The following DEAF1 variants were observed in gnomAD, a reference collection of about 807,000 sequenced individuals.
The protein encoded by DEAF1 is deformed epidermal autoregulatory factor 1 homolog.
Under a neutral mutation model 58.9 loss-of-function variants are expected in DEAF1, and 53 were observed. The ratio of observed to expected loss-of-function variants is 0.90; its 90% CI spans 0.72 to 1.13. The LOEUF (loss-of-function observed/expected upper bound fraction) is 1.13. DEAF1 is among the 50% of genes most tolerant of loss of function. DEAF1 has a pLI of 0.00. For missense variants in DEAF1, 685 were observed against 791.4 expected, an observed-to-expected ratio of 0.87 and a Z score of 1.61; for synonymous variants, 385 against 340.4, an observed-to-expected ratio of 1.13 and a Z score of -1.44.
At position 655,376 on chromosome 11, in the gene DEAF1, G is replaced by A. The variant is rs999816166; in HGVS notation, c.1504-1325C>T. 7.2e-5 allele frequency among the ~76,000 whole-genome samples: 11 copies of A among 152,188 alleles called. No individual in the cohort carries two copies. In the East Asian group the frequency reaches 9.6e-4, roughly 13 times the overall value. On this transcript the variant is annotated intron_variant, in intron 10 of 11. Transcript: ENST00000382409. ...ATTGGAGCTTTTCTTTTTAATCAGCGCATAGGTCAACATGCTGTCAATGAT... is the reference window on the plus strand; with the variant it reads ...ATTGGAGCTTTTCTTTTTAATCAGCACATAGGTCAACATGCTGTCAATGAT...
intron 10 of DEAF1, chr11:674,239 G>A (rs750072173): frequency 9.6e-6 from 4 of 414,886 alleles, no homozygotes; most frequent in Non-Finnish European, 1.8e-5. Flanking sequence ...GAAGACAAAG[G>A]ATGAATAATG....
At chr11:659,952 G>C (rs1032450710) in intron 10 of DEAF1, among the ~76,000 whole-genome samples, 4 of 152,170 alleles carry the variant, frequency 2.6e-5, no homozygotes, top group African/African-American at 9.7e-5. Context: ...CCCAACACAG[G>C]GCAGGTGGGG....
chr11:687,414 C>G (rs1860641152), intron 4 of DEAF1, among the ~76,000 whole-genome samples: 1 of 152,264 alleles, frequency 6.6e-6, no homozygotes, highest in Non-Finnish European at 1.5e-5. Context: ...CTGGGCGCAG[C>G]CCTGTCCCGT....
At chr11:663,903 A>T (rs541535978) in intron 10 of DEAF1, among the ~76,000 whole-genome samples, 1 of 152,314 alleles carries the variant, frequency 6.6e-6, no homozygotes, top group South Asian at 2.1e-4. Flanking sequence ...TGTTCATTTA[A>T]GATGTCTCAA....
chr11:691,539 A>G lies in DEAF1; in HGVS notation c.349T>C (p.Ser117Pro). 1 of 1,613,678 alleles carries G rather than the reference A, an allele frequency of 6.2e-7. No individual in the cohort carries two copies. The highest frequency in any genetic ancestry group is 1.1e-5 in the South Asian group (1 of 91,082). Reference protein sequence around the residue: ...GAAADNVFTTSVANAASISGH... With the variant: ...GAAADNVFTTPVANAASISGH... ...GAGATGGATGCCGCGTTCGCCACAGACGTGGTGAAGACATTGTCTGCAGCA... is the reference window on the plus strand; with the variant it reads ...GAGATGGATGCCGCGTTCGCCACAGGCGTGGTGAAGACATTGTCTGCAGCA... The change falls in exon 2 of 12, where the codon TCT (serine) becomes CCT (proline). Residue 117 changes from serine to proline, a missense_variant. By Grantham distance (74) the Ser-to-Pro change is moderately conservative. This residue lies in a region of DEAF1 where 210 missense variants were observed against 177.3 expected (regional missense o/e 1.18). Coordinates refer to ENST00000382409, the MANE Select transcript of DEAF1 (RefSeq NM_021008.4).
rs917115264 is a variant in DEAF1, at chr11:680,017, G to A, written c.998-201C>T. On this transcript the variant is annotated intron_variant, in intron 7 of 11. Transcript: ENST00000382409. ...CACAGGAGAAAACCAGGATGGCCAG[G>A]ATGGCAACTTGCCACTACCAATTGT... is the stretch of plus-strand genomic sequence containing the variant. 1.7e-5 allele frequency: 11 copies of A among 661,074 alleles called. No homozygotes were observed. In the African/African-American group the frequency reaches 2.0e-4, roughly 12 times the overall value. 41.0% of individuals were successfully genotyped at this position (661,074 alleles called of 1,614,324 possible).
chr11:685,449 C>T (rs1013980404), intron 5 of DEAF1, among the ~76,000 whole-genome samples: 1 of 151,950 alleles, frequency 6.6e-6, no homozygotes, highest in African/African-American at 2.4e-5. Context: ...AATCCCAGGA[C>T]TTTGAGAGGC....
chr11:670,136 G>GGGAC (rs1859746745), intron 10 of DEAF1, among the ~76,000 whole-genome samples: 1 of 151,872 alleles, frequency 6.6e-6, no homozygotes, highest in Admixed American at 6.6e-5. Flanking sequence ...CCGATGGAAG[G>GGGAC]GGACATGAGT....
chr11:679,993 A>G, intron 7 of DEAF1, 177 bp from the exon 8 acceptor site: 1 of 805,926 alleles, frequency 1.2e-6, no homozygotes, highest in Non-Finnish European at 1.9e-6. Flanking sequence ...AGAAGACCTC[A>G]CAGGAGAAAA....
At chr11:663,325 G>C (rs919295271) in intron 10 of DEAF1, among the ~76,000 whole-genome samples, 1 of 152,330 alleles carries the variant, frequency 6.6e-6, no homozygotes, top group African/African-American at 2.4e-5. Context: ...GCGCGTGCCT[G>C]TAATTCCAGC....
At position 674,657 on chromosome 11, in the gene DEAF1, T is replaced by C. The variant is rs201341584; in HGVS notation, c.1382A>G (p.Asn461Ser). Residue 461 changes from asparagine (N) to serine (S), a missense_variant, in exon 10 of 12, where the codon AAC becomes AGC. This residue lies in a region of DEAF1 where 343 missense variants were observed against 379.8 expected (regional missense o/e 0.90). Coordinates refer to ENST00000382409, the MANE Select transcript of DEAF1 (RefSeq NM_021008.4). ...CTGCTGCGCTGTGTTGAGCAAGGAG[T>C]TGACCATCTCTTCTAGGTACAGCCA... is the stretch of plus-strand genomic sequence containing the variant. ...RSWLYLEEMV[N>S]SLLNTAQQLK... 9.9e-5 allele frequency: 159 copies of C among 1,613,726 alleles called. No homozygotes were observed. The highest frequency in any genetic ancestry group is 6.6e-4 in the Middle Eastern group (4 of 6,084).
At chr11:692,504 G>A (rs1345932686) in intron 1 of DEAF1, among the ~76,000 whole-genome samples, 1 of 152,188 alleles carries the variant, frequency 6.6e-6, no homozygotes, top group East Asian at 1.9e-4. Context: ...AAAGATACTG[G>A]TTGAATGAGT....
intron 10 of DEAF1, among the ~76,000 whole-genome samples, chr11:660,523 C>CG (rs1214347923): frequency 6.6e-6 from 1 of 152,240 alleles, no homozygotes; most frequent in Non-Finnish European, 1.5e-5. Context: ...CTGGCTCCCT[C>CG]GGGGGACTCC....
At chr11:668,716 G>A (rs1859666674) in intron 10 of DEAF1, among the ~76,000 whole-genome samples, 1 of 152,182 alleles carries the variant, frequency 6.6e-6, no homozygotes, top group Non-Finnish European at 1.5e-5. Flanking sequence ...CAGCTACTTG[G>A]GGGGCTGAGG....
At chr11:650,369 G>A (rs1302009452) in intron 11 of DEAF1, among the ~76,000 whole-genome samples, 4 of 61,954 alleles carry the variant, frequency 6.5e-5, no homozygotes, top group South Asian at 5.7e-4. Flanking sequence ...GTGACAGTCC[G>A]TCTCAAAAAA....
chr11:670,890 G>A (rs1218566034), intron 10 of DEAF1, among the ~76,000 whole-genome samples: 4 of 131,046 alleles, frequency 3.1e-5, no homozygotes, highest in African/African-American at 9.1e-5. Context: ...CAATCCTCAC[G>A]TTTCAGCCTC....
chr11:667,314 G>A (rs1446651105), intron 10 of DEAF1, among the ~76,000 whole-genome samples: 3 of 132,496 alleles, frequency 2.3e-5, no homozygotes, highest in African/African-American at 6.4e-5. Flanking sequence ...CAGTGACCCT[G>A]TCTCAAAAAA....
At chr11:683,636 G>C (rs774481487) in intron 6 of DEAF1, among the ~76,000 whole-genome samples, 27 of 151,438 alleles carry the variant, frequency 1.8e-4, no homozygotes, top group Non-Finnish European at 3.4e-4. Flanking sequence ...GCAAATTTTA[G>C]AATCAGCTTG....
At chr11:652,403 C>T (rs1404080152) in intron 11 of DEAF1, among the ~76,000 whole-genome samples, 14 of 152,070 alleles carry the variant, frequency 9.2e-5, no homozygotes, top group African/African-American at 3.1e-4. Context: ...TTTGGGAGGC[C>T]GAGGCAGGCA....
Sources: gnomAD v4.1 joint callset for allele counts (sites outside exome capture counted in the v4.1 genomes callset) on GRCh38, gnomAD v4.1.1 for gene constraint, gnomAD v4.1.1 regional missense constraint, MANE v1.5 for transcripts, NCBI Gene and HGNC (gene_info 2026-07-23, HGNC 2026-07-21) for gene names.